Variants in AIG1 observed in about 807,000 individuals in gnomAD.
AIG1 encodes androgen induced 1.
In AIG1, 23 loss-of-function variants were observed where a neutral mutation model predicts 31.4. The observed-to-expected ratio is 0.73, with a 90% CI of 0.53 to 1.04. The LOEUF (loss-of-function observed/expected upper bound fraction) is 1.04, where lower values mean the gene tolerates loss of function less well. AIG1 is among the 50% of genes least tolerant of loss of function. The probability of loss-of-function intolerance (pLI) is 0.00; values close to 1 mark genes in which losing one functional copy is unlikely to be tolerated. For synonymous variants in AIG1, 100 were observed against 110.5 expected (o/e 0.90, Z 0.60); for missense variants, 274 against 295.0 (o/e 0.93, Z 0.52).
chr6:143,241,802 C>A (rs1794261030), intron 3 of AIG1, among the ~76,000 whole-genome samples: 1 of 152,144 alleles, frequency 6.6e-6, no homozygotes, highest in South Asian at 2.1e-4. Flanking sequence ...TGATAAGACA[C>A]CCCAAGTGGA....
chr6:143,271,120 A>G lies in AIG1; in HGVS notation c.400-12990A>G, dbSNP rs532981597. 1.0e-3 allele frequency among the ~76,000 whole-genome samples: 153 copies of G among 152,366 alleles called. 1 individual carries two copies. The highest frequency in any genetic ancestry group is 3.6e-3 in the African/African-American group (151 of 41,588). The stretch of plus-strand genomic sequence containing the variant: ...CCACACTCAGGCATGAGGCCGTCAA[A>G]TGTGAGTGTTTGCAGATGTCAGTGC... On this transcript the variant is annotated intron_variant, in intron 3 of 5. Transcript: ENST00000357847.
chr6:143,263,271 ATTTG>A (rs1428248583), intron 3 of AIG1, among the ~76,000 whole-genome samples: 1 of 109,724 alleles, frequency 9.1e-6, no homozygotes, highest in Non-Finnish European at 1.8e-5. Context: ...CTAGTCCTTT[ATTTG>A]TTTTTTTTTT....
At chr6:143,127,571 G>A (rs575109862) in intron 1 of AIG1, among the ~76,000 whole-genome samples, 1 of 152,242 alleles carries the variant, frequency 6.6e-6, no homozygotes, top group East Asian at 1.9e-4. Flanking sequence ...TATTTAAAAT[G>A]CTGCTTTTCT....
rs115223156 is a variant in AIG1 at position 143,098,426 on chromosome 6, G to A, written c.141+37360G>A. On this transcript the variant is annotated intron_variant, in intron 1 of 5. Transcript: ENST00000357847. ...TCTGGCTATTTTCTGTTTCTTCTTAGCCTCCCTTACTGGTTCCTCTTCCTC... is the reference window on the plus strand; with the variant it reads ...TCTGGCTATTTTCTGTTTCTTCTTAACCTCCCTTACTGGTTCCTCTTCCTC... 3.4e-3 allele frequency among the ~76,000 whole-genome samples: 517 copies of A among 152,172 alleles called. 3 individuals carry two copies. The highest frequency in any genetic ancestry group is 0.012 in the African/African-American group (505 of 41,530).
At chr6:143,086,469 C>T (rs997698894) in intron 1 of AIG1, among the ~76,000 whole-genome samples, 1 of 151,930 alleles carries the variant, frequency 6.6e-6, no homozygotes, top group Non-Finnish European at 1.5e-5. Context: ...TGTTGTAGAC[C>T]CAGTTCCAGT....
In AIG1 at chr6:143,340,584, C is replaced by A. The variant is rs1213735343; in HGVS notation, c.*908C>A. Among the ~76,000 whole-genome samples the A allele has an allele frequency of 6.6e-6, 1 of 152,164 alleles. No homozygotes were observed. The highest frequency in any genetic ancestry group is 1.5e-5 in the Non-Finnish European group (1 of 68,014). ...CATGCCATTCTCCTGCCTTCTCAGC[C>A]TCCCGAGTAGCTGGGACTACAGGCG... is the stretch of plus-strand genomic sequence containing the variant. On this transcript the variant is annotated 3_prime_UTR_variant, in exon 6 of 6. Coordinates refer to ENST00000357847, the MANE Select transcript of AIG1 (RefSeq NM_016108.4).
chr6:143,327,412 A>C lies in AIG1; in HGVS notation c.516-5870A>C, dbSNP rs1348878748. On this transcript the variant is annotated intron_variant, in intron 4 of 5. Coordinates refer to ENST00000357847, the MANE Select transcript of AIG1 (RefSeq NM_016108.4). This position sits in a 1 kb window ranked among gnomAD's most constrained non-coding sequence, Gnocchi z 5.3. ...GCTTCAAGAAGTCTGCCCCTTGGGC[A>C]CTCAAAGAGATCTGGAAATTTGCCA... 8.7e-6 allele frequency: 3 copies of C among 345,292 alleles called. No individual in the cohort carries two copies. In the East Asian group the frequency reaches 2.6e-4, roughly 30 times the overall value. 21.4% of individuals were successfully genotyped at this position (345,292 alleles called of 1,614,324 possible). A position where few individuals can be genotyped will look rare whatever the true frequency, so the allele number is the denominator to read the frequency against.
At chr6:143,178,223 A>G (rs1583427732) in intron 3 of AIG1, among the ~76,000 whole-genome samples, 1 of 152,166 alleles carries the variant, frequency 6.6e-6, no homozygotes, top group Non-Finnish European at 1.5e-5. Context: ...CACAGCTGCT[A>G]TCATGACTCT....
chr6:143,288,882 G>T lies in AIG1; in HGVS notation c.515+4657G>T, dbSNP rs1341696981. ...AAAGGTAGGATGTCTCAAAGAAGTA[G>T]TGGGTGGTTACAAGTCATAGGTGAA... On this transcript the variant is annotated intron_variant, in intron 4 of 5. Coordinates refer to ENST00000357847, the MANE Select transcript of AIG1 (RefSeq NM_016108.4). The surrounding 1 kb of genome is among the most constrained non-coding windows in gnomAD (Gnocchi z 4.4). Among the ~76,000 whole-genome samples the T allele has an allele frequency of 6.6e-6, 1 of 152,224 alleles. No individual in the cohort carries two copies. Among genetic ancestry groups the T allele is most frequent in the Non-Finnish European group, 1.5e-5 (1 of 68,048 alleles).
intron 1 of AIG1, among the ~76,000 whole-genome samples, chr6:143,079,950 A>G: frequency 6.6e-6 from 1 of 152,118 alleles, no homozygotes; most frequent in East Asian, 1.9e-4. Context: ...TGATTTGACT[A>G]TTTCTTTACC....
intron 3 of AIG1, among the ~76,000 whole-genome samples, chr6:143,191,182 C>T (rs1018484465): frequency 6.6e-5 from 10 of 152,088 alleles, no homozygotes; most frequent in Admixed American, 2.6e-4. Flanking sequence ...TGCATAATCA[C>T]GCACACTTAA....
intron 4 of AIG1, among the ~76,000 whole-genome samples, chr6:143,305,822 G>A (rs1404686640): frequency 6.6e-6 from 1 of 151,212 alleles, no homozygotes; most frequent in Admixed American, 6.6e-5. Flanking sequence ...GTTGACAGTG[G>A]GGTGTTAAAG....
chr6:143,225,318 C>T (rs1345047563), intron 3 of AIG1, among the ~76,000 whole-genome samples: 3 of 152,144 alleles, frequency 2.0e-5, no homozygotes, highest in Non-Finnish European at 4.4e-5. Flanking sequence ...TTAGACATCC[C>T]ACAAGGAAGG....
intron 2 of AIG1, among the ~76,000 whole-genome samples, chr6:143,164,336 G>A (rs1227396615): frequency 6.6e-6 from 1 of 152,036 alleles, no homozygotes; most frequent in Non-Finnish European, 1.5e-5. Flanking sequence ...TATTTTATCT[G>A]AACTTCTTTT....
intron 1 of AIG1, among the ~76,000 whole-genome samples, chr6:143,135,053 G>A (rs1159412627): frequency 6.6e-6 from 1 of 152,100 alleles, no homozygotes; most frequent in African/African-American, 2.4e-5. Flanking sequence ...TTTCAAAGCG[G>A]TTGTCCAGAT....
At chr6:143,109,236 C>T (rs1322338221) in intron 1 of AIG1, among the ~76,000 whole-genome samples, 6 of 152,162 alleles carry the variant, frequency 3.9e-5, no homozygotes, top group Admixed American at 6.5e-5. Context: ...ATACAAGATT[C>T]CATTTTGTAT....
At chr6:143,265,076 G>A (rs894492417) in intron 3 of AIG1, among the ~76,000 whole-genome samples, 2 of 152,252 alleles carry the variant, frequency 1.3e-5, no homozygotes, top group East Asian at 1.9e-4. Context: ...TTGAGAAATC[G>A]GAGAGTCTTC....
chr6:143,157,799 G>T (rs536813311), intron 2 of AIG1, among the ~76,000 whole-genome samples: 21 of 152,130 alleles, frequency 1.4e-4, no homozygotes, highest in African/African-American at 4.8e-4. Context: ...ATTTGATCAT[G>T]AATTATACCT....
intron 1 of AIG1, among the ~76,000 whole-genome samples, chr6:143,121,869 C>T (rs1782269125): frequency 6.6e-6 from 1 of 152,050 alleles, no homozygotes; most frequent in Non-Finnish European, 1.5e-5. Context: ...CTTGTTTTTC[C>T]TCGCTATCTT....
Sources: gnomAD v4.1 joint callset for allele counts (sites outside exome capture counted in the v4.1 genomes callset) on GRCh38, gnomAD v4.1.1 for gene constraint, Gnocchi (gnomAD v3.1) non-coding constraint, MANE v1.5 for transcripts, NCBI Gene and HGNC (gene_info 2026-07-23, HGNC 2026-07-21) for gene names.